MAF: variants seen among roughly 807,000 people sequenced by gnomAD.
The protein encoded by MAF is transcription factor Maf.
MAF carries 10 observed loss-of-function variants against 22.0 expected under a neutral mutation model. The observed-to-expected ratio is 0.45, with a 90% CI of 0.28 to 0.77. The LOEUF (loss-of-function observed/expected upper bound fraction) is 0.77. Among genes scored for constraint, MAF ranks in the 30% least tolerant of loss-of-function variants. MAF has a pLI of 0.12. For synonymous variants in MAF, 337 were observed against 255.8 expected (o/e 1.32, Z -3.03); for missense variants, 544 against 548.4 (o/e 0.99, Z 0.08).
At chr16:79,490,016 T>A in the MAF span, among the ~76,000 whole-genome samples, 3 of 152,110 alleles carry the variant, frequency 2.0e-5, no homozygotes, top group East Asian at 1.9e-4. Flanking sequence ...AAAGCCATCA[T>A]CTCATGAGGA....
At chr16:79,283,613 C>T in the MAF span, among the ~76,000 whole-genome samples, 1 of 152,162 alleles carries the variant, frequency 6.6e-6, no homozygotes, top group South Asian at 2.1e-4. Context: ...GTCTTTGAAG[C>T]TGTCATAAAA....
At chr16:79,329,607 G>T in the MAF span, among the ~76,000 whole-genome samples, 1 of 152,042 alleles carries the variant, frequency 6.6e-6, no homozygotes, top group Admixed American at 6.5e-5. Flanking sequence ...TGATGGAAGT[G>T]GTTCATATCA....
the MAF span, among the ~76,000 whole-genome samples, chr16:79,225,076 C>G: frequency 6.6e-6 from 1 of 152,144 alleles, no homozygotes; most frequent in Non-Finnish European, 1.5e-5. Flanking sequence ...GCAAAAAGAG[C>G]AAAGCTGGAG....
At chr16:79,369,512 G>A in the MAF span, among the ~76,000 whole-genome samples, 1 of 152,172 alleles carries the variant, frequency 6.6e-6, no homozygotes, top group African/African-American at 2.4e-5. Flanking sequence ...AGAGAAAGGA[G>A]GTAGATTTTC....
the MAF span, among the ~76,000 whole-genome samples, chr16:79,559,144 T>C: frequency 6.6e-6 from 1 of 152,144 alleles, no homozygotes; most frequent in South Asian, 2.1e-4. Context: ...GGCCGTGGTT[T>C]GGGCGGGCTT....
At chr16:79,586,122 G>A (rs1161792081) in intron 1 of MAF, among the ~76,000 whole-genome samples, 1 of 152,192 alleles carries the variant, frequency 6.6e-6, no homozygotes, top group Non-Finnish European at 1.5e-5. Context: ...AGCCAGAGGA[G>A]GGGTTGACGT....
In MAF at chr16:79,586,064, G is replaced by A. The variant is rs1373596612; in HGVS notation, c.1119-123C>T. On this transcript the variant is annotated intron_variant, in intron 1 of 1. Coordinates refer to the MAF transcript ENST00000569649. ...AAAGGGCAGAATTACACCAAAAGAA[G>A]AGTGATTTTGTTCCATTTGCTTTTG... is the stretch of plus-strand genomic sequence containing the variant. 2.6e-5 allele frequency: 14 copies of A among 541,796 alleles called. No individual in the cohort carries two copies. In the Admixed American group the frequency reaches 5.1e-4, roughly 20 times the overall value. 33.6% of individuals were successfully genotyped at this position (541,796 alleles called of 1,614,324 possible).
chr16:79,539,005 G>A, the MAF span, among the ~76,000 whole-genome samples: 15 of 152,026 alleles, frequency 9.9e-5, 1 homozygote, highest in Admixed American at 3.9e-4. Context: ...GAACAAAAAC[G>A]GCCATAAATA....
the MAF span, among the ~76,000 whole-genome samples, chr16:79,520,667 G>A: frequency 6.6e-6 from 1 of 152,190 alleles, no homozygotes; most frequent in South Asian, 2.1e-4. Context: ...AAAAAGCACT[G>A]GCTTTGGGGC....
At chr16:79,367,377 A>G in the MAF span, among the ~76,000 whole-genome samples, 1 of 152,238 alleles carries the variant, frequency 6.6e-6, no homozygotes, top group Non-Finnish European at 1.5e-5. Flanking sequence ...GACTGCAGTT[A>G]CCATCTGTAG....
the MAF span, among the ~76,000 whole-genome samples, chr16:79,216,728 G>C: frequency 1.3e-5 from 2 of 151,762 alleles, no homozygotes; most frequent in Non-Finnish European, 2.9e-5. Context: ...TAACCCCATA[G>C]TAAGTTGAGG....
In MAF at chr16:79,600,250, C is replaced by T; in HGVS notation, c.-348G>A. Reference sequence around the variant, plus strand: ...GCGGTGGCGGCGGTGGTGGCTGCGGCGGCGAAGCTGGAGGAGCCCGGCCCG... The same window carrying T: ...GCGGTGGCGGCGGTGGTGGCTGCGGTGGCGAAGCTGGAGGAGCCCGGCCCG... On this transcript the variant is annotated 5_prime_UTR_variant, in exon 1 of 2. Coordinates refer to ENST00000326043, the MANE Select transcript of MAF (RefSeq NM_005360.5). 3.9e-6 allele frequency: 1 copy of T among 255,322 alleles called. No homozygotes were observed. The highest frequency in any genetic ancestry group is 1.0e-4 in the South Asian group (1 of 9,926). 15.8% of individuals were successfully genotyped at this position (255,322 alleles called of 1,614,324 possible). A position where few individuals can be genotyped will look rare whatever the true frequency, so the allele number is the denominator to read the frequency against.
chr16:79,313,684 T>C, the MAF span, among the ~76,000 whole-genome samples: 1 of 152,156 alleles, frequency 6.6e-6, no homozygotes. Context: ...ACTTCTGCTT[T>C]TAGCCTTGCT....
At chr16:79,494,223 T>A in the MAF span, among the ~76,000 whole-genome samples, 9,416 of 152,238 alleles carry the variant, frequency 0.062, 466 homozygotes, top group African/African-American at 0.14. Flanking sequence ...GACTCTCACC[T>A]AATGAAAGCC....
chr16:79,452,027 A>G, the MAF span, among the ~76,000 whole-genome samples: 21 of 152,120 alleles, frequency 1.4e-4, no homozygotes, highest in African/African-American at 4.8e-4. Context: ...TCCCTCGCCT[A>G]TTTCTGTAAA....
chr16:79,233,222 T>G, the MAF span, among the ~76,000 whole-genome samples: 1 of 152,018 alleles, frequency 6.6e-6, no homozygotes, highest in Admixed American at 6.6e-5. Flanking sequence ...GGAATATCAA[T>G]GCACAGAATG....
chr16:79,322,731 G>T, the MAF span, among the ~76,000 whole-genome samples: 3 of 152,174 alleles, frequency 2.0e-5, no homozygotes, highest in Non-Finnish European at 2.9e-5. Flanking sequence ...GGACTTGAAG[G>T]TCGTGGCAGG....
chr16:79,468,101 C>T, the MAF span, among the ~76,000 whole-genome samples: 2 of 152,134 alleles, frequency 1.3e-5, no homozygotes, highest in Non-Finnish European at 2.9e-5. Flanking sequence ...AATAAGTTGA[C>T]AAAGAGACAG....
chr16:79,354,135 C>T, the MAF span, among the ~76,000 whole-genome samples: 1 of 152,042 alleles, frequency 6.6e-6, no homozygotes. Context: ...GCTTGGACTA[C>T]AAGTGCGCAC....
Sources: allele counts gnomAD v4.1 joint callset (sites outside exome capture counted in the v4.1 genomes callset), GRCh38; gene constraint gnomAD v4.1.1; transcripts MANE v1.5; gene names NCBI Gene and HGNC (gene_info 2026-07-23, HGNC 2026-07-21).